The following NPAS2 variants were observed in gnomAD, a reference collection of about 807,000 sequenced individuals.
The protein encoded by NPAS2 is neuronal PAS domain protein 2.
In NPAS2, 23 loss-of-function variants were observed where a neutral mutation model predicts 107.5. The observed-to-expected ratio is 0.21, with a 90% CI of 0.15 to 0.30. NPAS2 has a LOEUF of 0.30. Ranked by LOEUF, NPAS2 falls within the 10% of genes least tolerant of loss-of-function variation. The pLI is 1.00. For synonymous variants in NPAS2, 403 were observed against 417.5 expected, an observed-to-expected ratio of 0.97 and a Z score of 0.42; for missense variants, 756 against 1,043.3, an observed-to-expected ratio of 0.72 and a Z score of 3.79.
At chr2:100,946,052 C>T (rs1558898468) in intron 5 of NPAS2, among the ~76,000 whole-genome samples, 1 of 152,234 alleles carries the variant, frequency 6.6e-6, no homozygotes, top group East Asian at 1.9e-4. Context: ...CAGCACATAG[C>T]TGTACAGGAA....
intron 1 of NPAS2, among the ~76,000 whole-genome samples, chr2:100,836,380 C>T (rs1677061043): frequency 2.0e-5 from 3 of 152,130 alleles, no homozygotes. Flanking sequence ...CTTCTCCCCA[C>T]CTGGAATCCT....
intron 2 of NPAS2, among the ~76,000 whole-genome samples, chr2:100,908,896 G>A (rs185134805): frequency 6.6e-6 from 1 of 152,148 alleles, no homozygotes; most frequent in Non-Finnish European, 1.5e-5. Flanking sequence ...TTAATGGAGT[G>A]GATGCTGGTT....
chr2:100,840,478 AG>A (rs1238846495), intron 1 of NPAS2, among the ~76,000 whole-genome samples: 2 of 152,146 alleles, frequency 1.3e-5, no homozygotes, highest in Admixed American at 6.5e-5. Flanking sequence ...ATTCATTTTT[AG>A]GTCCTTGAGA....
chr2:100,838,600 A>G (rs1428499444), intron 1 of NPAS2, among the ~76,000 whole-genome samples: 1 of 152,098 alleles, frequency 6.6e-6, no homozygotes, highest in Non-Finnish European at 1.5e-5. Context: ...ATTGATTTGC[A>G]TAGTCAGTAC....
chr2:100,905,454 G>A (rs1682085725), intron 2 of NPAS2, among the ~76,000 whole-genome samples: 1 of 151,638 alleles, frequency 6.6e-6, no homozygotes, highest in African/African-American at 2.4e-5. Flanking sequence ...GTGACATTGA[G>A]AGGGTCAGGA....
chr2:100,926,244 T>C (rs1683553850), intron 3 of NPAS2, among the ~76,000 whole-genome samples: 1 of 152,212 alleles, frequency 6.6e-6, no homozygotes, highest in Non-Finnish European at 1.5e-5. Context: ...TGAACATTCA[T>C]GTACAAATTT....
chr2:100,886,587 A>T (rs1680714522), intron 1 of NPAS2, among the ~76,000 whole-genome samples: 1 of 152,208 alleles, frequency 6.6e-6, no homozygotes, highest in African/African-American at 2.4e-5. Context: ...CTCAGGTCTC[A>T]CAGATGGCCT....
rs545024687 is a variant in NPAS2, at chr2:100,854,674, C to T, written c.-23+34260C>T. Among the ~76,000 whole-genome samples the T allele has an allele frequency of 1.1e-4, 16 of 152,282 alleles. No individual in the cohort carries two copies. The South Asian group carries it at 1.2e-3, about 12-fold the overall frequency. ...AGGCCAGGGTCAGGTGCTCACCCTG[C>T]GAGTGAGGTGACAAGTACTGTGAGT... On this transcript the variant is annotated intron_variant, in intron 1 of 20. Coordinates refer to ENST00000335681, the MANE Select transcript of NPAS2 (RefSeq NM_002518.4).
chr2:100,975,306 G>A, intron 13 of NPAS2, 152 bp from the exon 14 acceptor site: 1 of 713,098 alleles, frequency 1.4e-6, no homozygotes, highest in Non-Finnish European at 2.4e-6. Context: ...CTGGGCTTCT[G>A]TGGTTCAGCT....
rs1279900023 is a variant in NPAS2, at chr2:100,948,363, T to C, written c.484+8T>C. On this transcript the variant is annotated splice_region_variant and intron_variant, in intron 6 of 20. Coordinates refer to ENST00000335681, the MANE Select transcript of NPAS2 (RefSeq NM_002518.4). ...CCCCAGAATACTTAAAATGTAAGTT[T>C]AATTTTTCTGGTTTTACAAGCTAGA... The C allele has an allele frequency of 6.3e-7, 1 of 1,587,422 alleles. No homozygotes were observed. Among genetic ancestry groups the C allele is most frequent in the Non-Finnish European group, 8.6e-7 (1 of 1,168,406 alleles).
Position 100,972,322 on chromosome 2 carries a change from G to A in NPAS2, c.1140+1248G>A, listed in dbSNP as rs571424744. Among the ~76,000 whole-genome samples, 9 of 152,248 alleles carry A rather than the reference G, an allele frequency of 5.9e-5. No individual in the cohort carries two copies. In the South Asian group the frequency reaches 1.7e-3, roughly 28 times the overall value. On this transcript the variant is annotated intron_variant, in intron 12 of 20. Transcript: ENST00000335681. ...GAAACAAGTGTTTCTTTTCATCAAC[G>A]GAAGGACACGTCTTAATTTCAGAAG...
intron 1 of NPAS2, among the ~76,000 whole-genome samples, chr2:100,893,203 A>G (rs1416822528): frequency 6.6e-6 from 1 of 152,202 alleles, no homozygotes; most frequent in Non-Finnish European, 1.5e-5. Context: ...TAATGAGGAA[A>G]AATCATTACC....
At chr2:100,955,660 T>C (rs1169789587) in intron 7 of NPAS2, among the ~76,000 whole-genome samples, 1 of 146,422 alleles carries the variant, frequency 6.8e-6, no homozygotes, top group East Asian at 1.9e-4. Context: ...TCACTCCTGG[T>C]GCCTTGTGAT....
intron 2 of NPAS2, among the ~76,000 whole-genome samples, chr2:100,922,521 T>C (rs991443446): frequency 6.6e-6 from 1 of 152,082 alleles, no homozygotes; most frequent in African/African-American, 2.4e-5. Context: ...AGGTGGAGGT[T>C]GTAGTGAGCT....
chr2:100,873,275 CATATATAT>C (rs376842348), intron 1 of NPAS2, among the ~76,000 whole-genome samples: 1,263 of 77,120 alleles, frequency 0.016, 43 homozygotes, highest in African/African-American at 0.064. Context: ...AAAAAAAATA[CATATATAT>C]ATATATATAT....
chr2:100,981,738 T>C (rs1279822764), intron 15 of NPAS2, among the ~76,000 whole-genome samples: 2 of 152,064 alleles, frequency 1.3e-5, no homozygotes, highest in African/African-American at 4.8e-5. Context: ...CAGGCTGTTT[T>C]GGAGAGAGCC....
chr2:100,936,228 C>A (rs1421909034), intron 4 of NPAS2, among the ~76,000 whole-genome samples: 1 of 152,208 alleles, frequency 6.6e-6, no homozygotes, highest in Non-Finnish European at 1.5e-5. Context: ...TGCTCGTGGC[C>A]TCTTCCGGGT....
At chr2:100,819,414 G>A (rs569876660), upstream of NPAS2, among the ~76,000 whole-genome samples, 1 of 152,284 alleles carries the variant, frequency 6.6e-6, no homozygotes, top group African/African-American at 2.4e-5. The surrounding 1 kb of genome is among the most constrained non-coding windows in gnomAD (Gnocchi z 5.8). Flanking sequence ...TTCCTCCCCA[G>A]CAGTCGCTGC....
At chr2:100,898,800 A>C (rs1276131589) in intron 1 of NPAS2, among the ~76,000 whole-genome samples, 2 of 147,290 alleles carry the variant, frequency 1.4e-5, no homozygotes, top group Non-Finnish European at 3.0e-5. Flanking sequence ...AAAAAAAAAA[A>C]CAAACCTGAA....
Sources: gnomAD v4.1 joint callset for allele counts (sites outside exome capture counted in the v4.1 genomes callset) on GRCh38, gnomAD v4.1.1 for gene constraint, Gnocchi (gnomAD v3.1) non-coding constraint, MANE v1.5 for transcripts, NCBI Gene and HGNC (gene_info 2026-07-23, HGNC 2026-07-21) for gene names.